The following CFAP46 variants were observed in gnomAD, a reference collection of about 807,000 sequenced individuals.
CFAP46 encodes cilia- and flagella-associated protein 46.
Under a neutral mutation model 325.7 loss-of-function variants are expected in CFAP46, and 245 were observed. That is an observed-to-expected ratio of 0.75 (90% CI 0.68 to 0.84). CFAP46 has a LOEUF of 0.84. Among genes scored for constraint, CFAP46 ranks in the 40% least tolerant of loss-of-function variants. The pLI is 0.00. For missense variants in CFAP46, 3,346 were observed against 3,543.0 expected, an observed-to-expected ratio of 0.94 and a Z score of 1.41; for synonymous variants, 1,523 against 1,495.9, an observed-to-expected ratio of 1.02 and a Z score of -0.42.
chr10:132,865,910 C>T lies in CFAP46; in HGVS notation c.4890+115G>A, dbSNP rs186773982. On this transcript the variant is annotated intron_variant, in intron 35 of 57. Transcript: ENST00000368586. ...GAGCTGGACCCAGACAAGAGAGGCA[C>T]GTGGCCCTGCTAGAGCTGAACGCTA... 4.1e-5 allele frequency: 44 copies of T among 1,069,696 alleles called. No homozygotes were observed. In the Admixed American group the frequency reaches 9.4e-4, roughly 23 times the overall value. The allele number at this position is 1,069,696 out of a possible 1,614,324, so 66.3% of individuals were successfully genotyped here.
At chr10:132,848,042 C>A (rs1455858873) in intron 41 of CFAP46, among the ~76,000 whole-genome samples, 1 of 152,014 alleles carries the variant, frequency 6.6e-6, no homozygotes, top group East Asian at 1.9e-4. Context: ...CTCGACGGAG[C>A]ACACGCCGTT....
chr10:132,941,320 T>C (rs1175298961), intron 3 of CFAP46, among the ~76,000 whole-genome samples: 1 of 152,012 alleles, frequency 6.6e-6, no homozygotes, highest in Non-Finnish European at 1.5e-5. Context: ...CCACCCCAGC[T>C]CCCCTGTGCC....
intron 34 of CFAP46, among the ~76,000 whole-genome samples, chr10:132,866,387 T>C (rs1312279132): frequency 6.6e-6 from 1 of 152,168 alleles, no homozygotes; most frequent in Non-Finnish European, 1.5e-5. Context: ...ACAGACCTCC[T>C]GCACCCTGGG....
Position 132,938,622 on chromosome 10 carries a change from TC to T in CFAP46, c.502del (p.Glu168ArgfsTer10). 1 of 1,613,530 alleles carries T rather than the reference TC, an allele frequency of 6.2e-7. No individual in the cohort carries two copies. The highest frequency in any genetic ancestry group is 8.5e-7 in the Non-Finnish European group (1 of 1,179,974). On this transcript the variant is annotated frameshift_variant, in exon 5 of 58. Coordinates refer to ENST00000368586, the MANE Select transcript of CFAP46 (RefSeq NM_001200049.3). LOFTEE classifies it high-confidence loss of function. ...CTCAGCACGCCACTCCTTGTCTTCC[TC>T]CTCAGTCTGACTCAGCACGTTTATG... is the stretch of plus-strand genomic sequence containing the variant. Reference protein sequence around the residue: ...QIINVLSQTEEEDKEWRAELM... With the variant: ...QIINVLSQTEXEDKEWRAELM...
chr10:132,900,824 C>A (rs1247414533), intron 22 of CFAP46, among the ~76,000 whole-genome samples: 3 of 152,238 alleles, frequency 2.0e-5, no homozygotes, highest in African/African-American at 7.2e-5. Context: ...TCAGTGACTT[C>A]CCCCCTACTT....
Position 132,854,792 on chromosome 10 carries a change from G to A in CFAP46, c.5574+2798C>T, listed in dbSNP as rs538668976. 2.9e-3 allele frequency among the ~76,000 whole-genome samples: 445 copies of A among 151,912 alleles called. 2 individuals carry two copies. The highest frequency in any genetic ancestry group is 4.9e-3 in the Non-Finnish European group (334 of 67,972). ...TCATCACTCCAAAAGGAAACCCCTC[G>A]CCCATTAAAAAATCATCCCTTATCC... On this transcript the variant is annotated intron_variant, in intron 39 of 57. Transcript: ENST00000368586.
intron 3 of CFAP46, 105 bp downstream of exon 3, chr10:132,941,486 T>C: frequency 7.0e-7 from 1 of 1,430,494 alleles, no homozygotes. Context: ...ATTCCTTCAC[T>C]CTACTACCCT....
chr10:132,938,455 G>A (rs540808249), intron 5 of CFAP46, 134 bp downstream of exon 5: 6 of 858,850 alleles, frequency 7.0e-6, no homozygotes, highest in Admixed American at 2.4e-5. Flanking sequence ...ACTTGTGACT[G>A]TGGGAGAGAA....
intron 4 of CFAP46, among the ~76,000 whole-genome samples, chr10:132,940,501 C>G (rs750662928): frequency 6.6e-6 from 1 of 152,152 alleles, no homozygotes; most frequent in Non-Finnish European, 1.5e-5. Flanking sequence ...AGCAAAGGCA[C>G]GCTGGGCCGA....
chr10:132,931,248 A>C (rs1483089843), intron 8 of CFAP46, among the ~76,000 whole-genome samples: 7 of 28,382 alleles, frequency 2.5e-4, no homozygotes, highest in South Asian at 2.0e-3. Context: ...CCTTCCCCAC[A>C]CTCCCCACGC....
chr10:132,890,118 C>T (rs778389217), intron 25 of CFAP46, among the ~76,000 whole-genome samples: 4 of 152,196 alleles, frequency 2.6e-5, no homozygotes, highest in Admixed American at 6.5e-5. Context: ...TAAAATATAG[C>T]GTGGCTTCCA....
Position 132,866,029 on chromosome 10 carries a change from A to G in CFAP46, c.4886T>C (p.Phe1629Ser). Residue 1629 changes from phenylalanine to serine, a missense_variant, in exon 35 of 58, where the codon TTC (phenylalanine) becomes TCC (serine). By Grantham distance (155) the Phe-to-Ser change is radical. Transcript: ENST00000368586. ...GGGCTGGGAGGGGCTCCTCACCTGGAAAGCCAGGTAAGCCTCCGACAGGAG... is the reference window on the plus strand; with the variant it reads ...GGGCTGGGAGGGGCTCCTCACCTGGGAAGCCAGGTAAGCCTCCGACAGGAG... Reference protein sequence around the residue: ...RLLLSEAYLAFQELDEPCAEA... With the variant: ...RLLLSEAYLASQELDEPCAEA... 6.6e-7 allele frequency: 1 copy of G among 1,506,310 alleles called. No individual in the cohort carries two copies. The highest frequency in any genetic ancestry group is 8.9e-7 in the Non-Finnish European group (1 of 1,123,544). 93.3% of individuals were successfully genotyped at this position (1,506,310 alleles called of 1,614,324 possible). A position where few individuals can be genotyped will look rare whatever the true frequency, so the allele number is the denominator to read the frequency against.
chr10:132,833,535 A>G lies in CFAP46; in HGVS notation c.6950-10T>C. On this transcript the variant is annotated splice_polypyrimidine_tract_variant and intron_variant, in intron 49 of 57. Coordinates refer to ENST00000368586, the MANE Select transcript of CFAP46 (RefSeq NM_001200049.3). ...TCAGGCTGGACTGTGCCTGGGAAAC[A>G]GCAGTGCAGGGAGATCAGCTCCTGA... is the stretch of plus-strand genomic sequence containing the variant. 1 of 1,612,350 alleles carries G rather than the reference A, an allele frequency of 6.2e-7. No individual in the cohort carries two copies.
chr10:132,932,278 T>C, intron 8 of CFAP46, among the ~76,000 whole-genome samples: 1 of 136,198 alleles, frequency 7.3e-6, no homozygotes. Context: ...AGCCTGGGCC[T>C]CCCTCCTCTC....
At chr10:132,912,235 TGTCCTCTTTC>T (rs1849552659) in intron 19 of CFAP46, among the ~76,000 whole-genome samples, 2 of 83,226 alleles carry the variant, frequency 2.4e-5, no homozygotes, top group South Asian at 5.0e-4. Flanking sequence ...TCCTCTCTCC[TGTCCTCTTTC>T]CTCTCTCTCT....
At chr10:132,856,771 A>G (rs1848648263) in intron 39 of CFAP46, among the ~76,000 whole-genome samples, 1 of 152,190 alleles carries the variant, frequency 6.6e-6, no homozygotes, top group Non-Finnish European at 1.5e-5. Flanking sequence ...TGATTGATCA[A>G]TTATTCTTCC....
chr10:132,942,037 G>A lies in CFAP46; in HGVS notation c.117C>T (p.Asp39=). The A allele has an allele frequency of 1.3e-6, 2 of 1,551,798 alleles. No individual in the cohort carries two copies. Among genetic ancestry groups the A allele is most frequent in the Non-Finnish European group, 8.7e-7 (1 of 1,146,970 alleles). Reference sequence around the variant, plus strand: ...GGTCTGGGCTGAAGCTCTCTGAGGGGTCAAACTCCGATTTCCCTAGGTTGG... The same window carrying A: ...GGTCTGGGCTGAAGCTCTCTGAGGGATCAAACTCCGATTTCCCTAGGTTGG... The part of the protein sequence containing the change: ...KSANLGKSEF[D]PSESFSPDLF... The change falls in exon 2 of 58, where the codon GAC becomes GAT. Residue 39 remains aspartate, a synonymous_variant. Transcript: ENST00000368586.
intron 50 of CFAP46, among the ~76,000 whole-genome samples, chr10:132,823,816 T>G (rs976952101): frequency 1.4e-5 from 2 of 138,724 alleles, no homozygotes; most frequent in African/African-American, 5.3e-5. Flanking sequence ...CTGTGTGCTG[T>G]GTGAGTGCTG....
rs1554883966 is a variant in CFAP46, at chr10:132,912,542, T to TCTCTCTCTTCACCTCTCTCTCTCTTCAC, written c.2499+112_2499+113insGTGAAGAGAGAGAGAGGTGAAGAGAGAG. The TCTCTCTCTTCACCTCTCTCTCTCTTCAC allele has an allele frequency of 4.6e-5, 14 of 302,368 alleles. 1 individual carries two copies. The highest frequency in any genetic ancestry group is 1.7e-4 in the Admixed American group (2 of 11,948). 18.7% of individuals were successfully genotyped at this position (302,368 alleles called of 1,614,324 possible). A position where few individuals can be genotyped will look rare whatever the true frequency, so the allele number is the denominator to read the frequency against. ...CTCTCTCTTCACCTCTCTCCTCTCC[T>TCTCTCTCTTCACCTCTCTCTCTCTTCAC]CTCTCTCTCTCTTCACCTCTCTCCT... On this transcript the variant is annotated intron_variant, in intron 19 of 57. Coordinates refer to ENST00000368586, the MANE Select transcript of CFAP46 (RefSeq NM_001200049.3).
Sources: allele counts gnomAD v4.1 joint callset (sites outside exome capture counted in the v4.1 genomes callset), GRCh38; gene constraint gnomAD v4.1.1; transcripts MANE v1.5; gene names NCBI Gene and HGNC (gene_info 2026-07-23, HGNC 2026-07-21).